TMEM117: variants seen among roughly 807,000 people sequenced by gnomAD.
TMEM117 encodes transmembrane protein 117.
TMEM117 carries 27 observed loss-of-function variants against 52.4 expected under a neutral mutation model. The observed-to-expected ratio is 0.51, with a 90% CI of 0.38 to 0.71. TMEM117 has a LOEUF of 0.71. Among genes scored for constraint, TMEM117 ranks in the 30% least tolerant of loss-of-function variants. The pLI is 0.00. For synonymous variants in TMEM117, 215 were observed against 206.3 expected (o/e 1.04, Z -0.36); for missense variants, 556 against 630.5 (o/e 0.88, Z 1.26).
chr12:44,073,616 G>A (rs960652006), intron 3 of TMEM117: 2 of 152,242 alleles, frequency 1.3e-5, no homozygotes, highest in African/African-American at 2.4e-5. Context: ...CAGATCAGTC[G>A]AAGCTGGAGA....
chr12:44,051,363 A>G (rs2137925971), intron 3 of TMEM117, among the ~76,000 whole-genome samples: 1 of 152,348 alleles, frequency 6.6e-6, no homozygotes, highest in South Asian at 2.1e-4. Flanking sequence ...TCTACTGAAC[A>G]ACAGTAGCAA....
intron 2 of TMEM117, among the ~76,000 whole-genome samples, chr12:43,873,428 A>G (rs1190553008): frequency 6.6e-6 from 1 of 152,194 alleles, no homozygotes; most frequent in African/African-American, 2.4e-5. Flanking sequence ...ATGGAAAGGT[A>G]TCAAATTCAT....
intron 4 of TMEM117, among the ~76,000 whole-genome samples, chr12:44,177,803 T>G (rs553546609): frequency 5.9e-5 from 9 of 152,174 alleles, no homozygotes; most frequent in Non-Finnish European, 1.2e-4. Flanking sequence ...CAAAATAGAC[T>G]ATGCTTCGAT....
intron 2 of TMEM117, among the ~76,000 whole-genome samples, chr12:43,851,405 T>C (rs780004204): frequency 3.3e-5 from 5 of 152,180 alleles, no homozygotes; most frequent in Non-Finnish European, 5.9e-5. Context: ...TTAAATTCCA[T>C]TGGAATGTCA....
intron 3 of TMEM117, among the ~76,000 whole-genome samples, chr12:43,988,120 A>G (rs1408564179): frequency 2.6e-5 from 4 of 152,126 alleles, no homozygotes; most frequent in African/African-American, 4.8e-5. Context: ...AAAACATGAA[A>G]ATTTGAAATA....
intron 2 of TMEM117, among the ~76,000 whole-genome samples, chr12:43,942,443 G>A (rs1308775590): frequency 6.6e-6 from 1 of 152,098 alleles, no homozygotes; most frequent in African/African-American, 2.4e-5. Flanking sequence ...AAATTAATCA[G>A]CAGTTTCTAT....
chr12:43,924,524 C>T (rs889887721), intron 2 of TMEM117, among the ~76,000 whole-genome samples: 2 of 152,082 alleles, frequency 1.3e-5, no homozygotes, highest in African/African-American at 2.4e-5. Flanking sequence ...TCAAGTATTT[C>T]GTGCTGTGAA....
chr12:44,243,942 G>T (rs976502780), intron 5 of TMEM117, among the ~76,000 whole-genome samples: 1 of 151,894 alleles, frequency 6.6e-6, no homozygotes, highest in African/African-American at 2.4e-5. Context: ...CATCCATGTT[G>T]TCAAGTGACA....
chr12:44,138,294 C>T (rs910222017), intron 3 of TMEM117, among the ~76,000 whole-genome samples: 1 of 152,042 alleles, frequency 6.6e-6, no homozygotes, highest in African/African-American at 2.4e-5. Flanking sequence ...AGAATTTAGA[C>T]ATTGATAGTG....
intron 4 of TMEM117, among the ~76,000 whole-genome samples, chr12:44,206,234 T>G (rs1949564597): frequency 6.6e-6 from 1 of 152,200 alleles, no homozygotes; most frequent in Admixed American, 6.5e-5. Context: ...AGCAGGAACA[T>G]GTCCTTAAGA....
chr12:44,203,530 C>T (rs893934274), intron 4 of TMEM117, among the ~76,000 whole-genome samples: 2 of 152,052 alleles, frequency 1.3e-5, no homozygotes, highest in Non-Finnish European at 2.9e-5. Flanking sequence ...TTCTAGTCCT[C>T]TAGGTATGAT....
At chr12:43,843,404 A>G (rs538479772) in intron 1 of TMEM117, among the ~76,000 whole-genome samples, 85 of 152,360 alleles carry the variant, frequency 5.6e-4, no homozygotes, top group Non-Finnish European at 6.8e-4. Context: ...GTGGACCCAG[A>G]CAGATCTCTT....
At chr12:44,068,246 C>T (rs1283520173) in intron 3 of TMEM117, among the ~76,000 whole-genome samples, 1 of 152,136 alleles carries the variant, frequency 6.6e-6, no homozygotes, top group East Asian at 1.9e-4. Flanking sequence ...GGCTATTTTG[C>T]TATCTTATCA....
At chr12:44,302,636 A>G (rs558366758) in intron 6 of TMEM117, among the ~76,000 whole-genome samples, 2 of 152,326 alleles carry the variant, frequency 1.3e-5, no homozygotes, top group East Asian at 3.9e-4. Flanking sequence ...AGTGCCTTAC[A>G]TGGCAGGAGT....
chr12:44,204,384 G>A (rs1185302793), intron 4 of TMEM117, among the ~76,000 whole-genome samples: 2 of 152,128 alleles, frequency 1.3e-5, no homozygotes, highest in Admixed American at 6.6e-5. Context: ...TATCTACAAT[G>A]AGAATTAGAA....
rs140770058 is a variant in TMEM117, at chr12:43,943,508, G to A, written c.278-702G>A. Among the ~76,000 whole-genome samples, 659 of 152,176 alleles carry A rather than the reference G, an allele frequency of 4.3e-3. 3 individuals are homozygous for A. The highest frequency in any genetic ancestry group is 0.011 in the African/African-American group (453 of 41,536). On this transcript the variant is annotated intron_variant, in intron 2 of 7. Coordinates refer to ENST00000266534, the MANE Select transcript of TMEM117 (RefSeq NM_032256.3). ...TATATGTTTCTTCCTTAAAGTGTTTGCATCTTAACATTCTCTCTAACTTTA... is the reference window on the plus strand; with the variant it reads ...TATATGTTTCTTCCTTAAAGTGTTTACATCTTAACATTCTCTCTAACTTTA...
intron 5 of TMEM117, among the ~76,000 whole-genome samples, chr12:44,252,187 C>A (rs556090648): frequency 2.6e-5 from 4 of 152,210 alleles, no homozygotes; most frequent in Admixed American, 6.5e-5. Flanking sequence ...TTTTTTCCAC[C>A]TATTAAACTT....
At chr12:44,304,305 A>G (rs1366302293) in intron 6 of TMEM117, among the ~76,000 whole-genome samples, 1 of 152,206 alleles carries the variant, frequency 6.6e-6, no homozygotes, top group Non-Finnish European at 1.5e-5. Flanking sequence ...CATCTAGACC[A>G]GCCCTAGCCA....
chr12:44,181,920 C>A (rs865943334), intron 4 of TMEM117, among the ~76,000 whole-genome samples: 5 of 152,022 alleles, frequency 3.3e-5, no homozygotes, highest in East Asian at 3.9e-4. Context: ...TGGGGATGGC[C>A]TTGAATCTGT....
Sources: gnomAD v4.1 joint callset for allele counts (sites outside exome capture counted in the v4.1 genomes callset) on GRCh38, gnomAD v4.1.1 for gene constraint, MANE v1.5 for transcripts, NCBI Gene and HGNC (gene_info 2026-07-23, HGNC 2026-07-21) for gene names.